The following PDGFD variants were observed in gnomAD, a reference collection of about 807,000 sequenced individuals.
PDGFD encodes the protein platelet derived growth factor D.
A neutral mutation model predicts 44.7 loss-of-function variants in PDGFD; 30 were observed. That is an observed-to-expected ratio of 0.67 (90% CI 0.50 to 0.91). The LOEUF is 0.91. Among genes scored for constraint, PDGFD ranks in the 40% least tolerant of loss-of-function variants. The pLI is 0.00. For missense variants in PDGFD, 445 were observed against 457.8 expected (o/e 0.97, Z 0.25); for synonymous variants, 173 against 168.4 (o/e 1.03, Z -0.21).
rs545030800 is a variant in PDGFD, at chr11:104,112,813, C to T, written c.124+50991G>A. Among the ~76,000 whole-genome samples the T allele has an allele frequency of 2.0e-5, 3 of 152,002 alleles. No homozygotes were observed. The South Asian group carries it at 6.2e-4, about 32-fold the overall frequency. The stretch of plus-strand genomic sequence containing the variant: ...ACATGGTCTTATTTATAAGTAGGAG[C>T]TAAATGATGAGAATACATGGACACA... On this transcript the variant is annotated intron_variant, in intron 1 of 6. Coordinates refer to ENST00000393158, the MANE Select transcript of PDGFD (RefSeq NM_025208.5).
At chr11:104,124,078 G>A (rs183883220) in intron 1 of PDGFD, among the ~76,000 whole-genome samples, 1 of 152,158 alleles carries the variant, frequency 6.6e-6, no homozygotes, top group East Asian at 1.9e-4. Context: ...AGATATCGAT[G>A]TAAAAGTCCA....
At chr11:104,024,846 TATA>T in intron 1 of PDGFD, among the ~76,000 whole-genome samples, 1 of 152,352 alleles carries the variant, frequency 6.6e-6, no homozygotes, top group South Asian at 2.1e-4. Flanking sequence ...GTCAAATCTG[TATA>T]ATCTCTATTG....
intron 3 of PDGFD, among the ~76,000 whole-genome samples, chr11:103,967,087 C>T (rs1319348926): frequency 6.6e-6 from 1 of 152,164 alleles, no homozygotes; most frequent in African/African-American, 2.4e-5. Flanking sequence ...GAAAGGGATG[C>T]CACTCAGAGG....
intron 3 of PDGFD, among the ~76,000 whole-genome samples, chr11:103,954,255 C>A (rs956958329): frequency 1.3e-5 from 2 of 152,236 alleles, no homozygotes; most frequent in African/African-American, 2.4e-5. Flanking sequence ...TTCAGCAGAG[C>A]AAGCCTGCAC....
At chr11:104,058,519 G>A (rs946793226) in intron 1 of PDGFD, among the ~76,000 whole-genome samples, 22 of 152,156 alleles carry the variant, frequency 1.4e-4, no homozygotes, top group Admixed American at 1.3e-3. Flanking sequence ...GAGAATGCTG[G>A]TAAAGATCTG....
chr11:104,083,068 G>A (rs954767066), intron 1 of PDGFD, among the ~76,000 whole-genome samples: 2 of 152,032 alleles, frequency 1.3e-5, no homozygotes, highest in Non-Finnish European at 2.9e-5. Context: ...ATATATTTTA[G>A]GTTGCTATAA....
intron 6 of PDGFD, among the ~76,000 whole-genome samples, chr11:103,921,345 T>C (rs1276501736): frequency 6.6e-6 from 1 of 152,212 alleles, no homozygotes; most frequent in Non-Finnish European, 1.5e-5. Context: ...CGAAATTTAT[T>C]TTCTGTTTCT....
intron 6 of PDGFD, among the ~76,000 whole-genome samples, chr11:103,919,805 G>A (rs541546): frequency 0.063 from 9,515 of 151,832 alleles, 552 homozygotes; most frequent in East Asian, 0.23. Context: ...CACTGCGCCC[G>A]GTCTCTTCCT....
chr11:104,080,020 A>G (rs1861021162), intron 1 of PDGFD, among the ~76,000 whole-genome samples: 1 of 152,208 alleles, frequency 6.6e-6, no homozygotes, highest in Non-Finnish European at 1.5e-5. Flanking sequence ...TATGCATACC[A>G]ATGTGGCTGA....
intron 1 of PDGFD, among the ~76,000 whole-genome samples, chr11:104,157,053 T>C (rs1416703831): frequency 3.3e-5 from 5 of 152,188 alleles, no homozygotes; most frequent in Non-Finnish European, 5.9e-5. Context: ...ATGTAGCTAT[T>C]TGAAAAAACT....
rs1565291015 is a variant in PDGFD at position 103,943,646 on chromosome 11, AC to A, written c.577del (p.Val193TyrfsTer8). The A allele has an allele frequency of 1.9e-6, 3 of 1,611,552 alleles. No homozygotes were observed. ...CGTTACTGATGGAGAGTTATAGGAT[AC>A]CCCCTAAGAGTGACATACAGCTCAG... The part of the protein sequence containing the change: ...WESVTSSISG[V>X]SYNSPSVTDP... On this transcript the variant is annotated frameshift_variant, in exon 5 of 7. Transcript: ENST00000393158. LOFTEE classifies it high-confidence loss of function.
chr11:104,019,568 A>T (rs1859919048), intron 1 of PDGFD, among the ~76,000 whole-genome samples: 1 of 152,218 alleles, frequency 6.6e-6, no homozygotes, highest in Admixed American at 6.5e-5. Context: ...GAGACAAAAG[A>T]CATAAATCTA....
At chr11:103,983,163 A>T (rs1191440422) in intron 3 of PDGFD, among the ~76,000 whole-genome samples, 2 of 151,858 alleles carry the variant, frequency 1.3e-5, no homozygotes, top group African/African-American at 4.9e-5. Context: ...ACCTGACTTC[A>T]AACTATACTT....
chr11:103,991,756 T>G (rs553273324), intron 3 of PDGFD, among the ~76,000 whole-genome samples: 1 of 152,278 alleles, frequency 6.6e-6, no homozygotes, highest in South Asian at 2.1e-4. Flanking sequence ...CCTCAGACAG[T>G]TGAGTAATTA....
intron 1 of PDGFD, among the ~76,000 whole-genome samples, chr11:104,087,782 G>A (rs1861154493): frequency 6.6e-6 from 1 of 152,158 alleles, no homozygotes; most frequent in South Asian, 2.1e-4. Flanking sequence ...CCTTGGTGCT[G>A]TGCCGCAAGC....
At chr11:104,162,149 CA>C (rs5794296) in intron 1 of PDGFD, among the ~76,000 whole-genome samples, 205 of 138,636 alleles carry the variant, frequency 1.5e-3, no homozygotes, top group Middle Eastern at 3.8e-3. Flanking sequence ...TATTCTCTTT[CA>C]AAAAAAAAAA....
intron 3 of PDGFD, among the ~76,000 whole-genome samples, chr11:103,949,540 G>A (rs770708755): frequency 2.0e-5 from 3 of 152,156 alleles, no homozygotes; most frequent in Non-Finnish European, 4.4e-5. Context: ...TATTGGTGGA[G>A]GACATATGCC....
intron 1 of PDGFD, among the ~76,000 whole-genome samples, chr11:104,152,950 A>C (rs893548629): frequency 6.6e-6 from 1 of 152,162 alleles, no homozygotes; most frequent in Non-Finnish European, 1.5e-5. Context: ...AAACTTTATA[A>C]TATATAGTCA....
Position 103,985,290 on chromosome 11 carries a change from C to T in PDGFD, c.510+10775G>A, listed in dbSNP as rs545271354. Among the ~76,000 whole-genome samples, 84 of 150,586 alleles carry T rather than the reference C, an allele frequency of 5.6e-4. 3 individuals carry two copies. Among genetic ancestry groups the T allele is most frequent in the African/African-American group, 1.9e-3 (79 of 40,608 alleles). ...AATCATAGCTCATTGTAACCTCAAA[C>T]TTGGGCTCAAGTGATCCTCTTACCT... On this transcript the variant is annotated intron_variant, in intron 3 of 6. Transcript: ENST00000393158.
Sources: allele counts gnomAD v4.1 joint callset (sites outside exome capture counted in the v4.1 genomes callset), GRCh38; gene constraint gnomAD v4.1.1; transcripts MANE v1.5; gene names NCBI Gene and HGNC (gene_info 2026-07-23, HGNC 2026-07-21).